Variants in ENTPD4 observed in about 807,000 individuals in gnomAD.
The protein encoded by ENTPD4 is ectonucleoside triphosphate diphosphohydrolase 4.
A neutral mutation model predicts 79.1 loss-of-function variants in ENTPD4; 60 were observed. The ratio of observed to expected loss-of-function variants is 0.76; its 90% CI spans 0.62 to 0.94. ENTPD4 has a LOEUF of 0.94. ENTPD4 is among the 40% of genes least tolerant of loss of function. ENTPD4 has a pLI of 0.00. For synonymous variants in ENTPD4, 276 were observed against 292.0 expected, an observed-to-expected ratio of 0.95 and a Z score of 0.56; for missense variants, 772 against 775.1, an observed-to-expected ratio of 1.00 and a Z score of 0.05.
chr8:23,447,589 G>T, intron 4 of ENTPD4, 91 bp downstream of exon 4: 1 of 1,021,492 alleles, frequency 9.8e-7, no homozygotes, highest in Non-Finnish European at 1.5e-6. Context: ...TTGACTCAGG[G>T]CCATGGTGTA....
At chr8:23,433,218 A>T in intron 12 of ENTPD4, 64 bp from the exon 13 acceptor site, 1 of 1,433,618 alleles carries the variant, frequency 7.0e-7, no homozygotes, top group Non-Finnish European at 9.7e-7. Flanking sequence ...GAAAGGGTGC[A>T]CAGGGGGACG....
rs1800435201 is a variant in ENTPD4, at chr8:23,430,452, A to G, written c.*2474T>C. Reference sequence around the variant, plus strand: ...ATGGAAACTACATTCCTGATTTAAGAGGATGCTTCTGTCTGTATCCTTTTT... The same window carrying G: ...ATGGAAACTACATTCCTGATTTAAGGGGATGCTTCTGTCTGTATCCTTTTT... On this transcript the variant is annotated 3_prime_UTR_variant, in exon 13 of 13. Transcript: ENST00000358689. The G allele has an allele frequency of 1.0e-6, 1 of 985,326 alleles. No individual in the cohort carries two copies. The highest frequency in any genetic ancestry group is 1.7e-5 in the African/African-American group (1 of 57,250). The allele number at this position is 985,326 out of a possible 1,614,324, so 61.0% of individuals were successfully genotyped here.
Position 23,450,211 on chromosome 8 carries a change from C to T in ENTPD4, c.-97-214G>A, listed in dbSNP as rs772615721. Among the ~76,000 whole-genome samples the T allele has an allele frequency of 3.9e-5, 6 of 152,326 alleles. 1 individual carries two copies. The highest frequency in any genetic ancestry group is 1.3e-4 in the Admixed American group (2 of 15,296). On this transcript the variant is annotated intron_variant, in intron 1 of 12. Coordinates refer to ENST00000358689, the MANE Select transcript of ENTPD4 (RefSeq NM_004901.5). The stretch of plus-strand genomic sequence containing the variant: ...CAAAAGAGATGATAATCGTCTGGTA[C>T]TAGTTAGTGCTGTCTAACCTAAAGT...
At chr8:23,441,982 C>A (rs780469979) in intron 7 of ENTPD4, 25 bp downstream of exon 7, 5 of 1,587,788 alleles carry the variant, frequency 3.1e-6, no homozygotes, top group East Asian at 2.2e-5. Flanking sequence ...CAACTAGATA[C>A]ATTTGTTGGA....
chr8:23,441,836 T>C lies in ENTPD4; in HGVS notation c.728-113A>G, dbSNP rs1167624837. 3 of 1,283,586 alleles carry C rather than the reference T, an allele frequency of 2.3e-6. No homozygotes were observed. The African/African-American group carries it at 4.5e-5, about 19-fold the overall frequency. The allele number at this position is 1,283,586 out of a possible 1,614,324, so 79.5% of individuals were successfully genotyped here. ...TTCAAGCATATTCAGGCAAACCCAG[T>C]CTACTCCTCCCAACTAAAATCAAGT... On this transcript the variant is annotated intron_variant, in intron 7 of 12. Coordinates refer to ENST00000358689, the MANE Select transcript of ENTPD4 (RefSeq NM_004901.5).
Position 23,444,470 on chromosome 8 carries a change from T to A in ENTPD4, c.549A>T (p.Arg183Ser), listed in dbSNP as rs772907926. The A allele has an allele frequency of 6.2e-7, 1 of 1,613,928 alleles. No individual in the cohort carries two copies. Among genetic ancestry groups the A allele is most frequent in the Non-Finnish European group, 8.5e-7 (1 of 1,179,878 alleles). The change falls in exon 5 of 13, where the codon AGA becomes AGT. Residue 183 changes from arginine to serine, a missense_variant. Coordinates refer to ENST00000358689, the MANE Select transcript of ENTPD4 (RefSeq NM_004901.5). ...TGGAGGATCACCTTTCGGGGAGGAT[T>A]CTCATTCCAGCCGTGCAGAGAATGT... ...PLYILCTAGM[R>S]ILPESQQKAI...
chr8:23,453,604 T>C (rs908760367), intron 1 of ENTPD4, among the ~76,000 whole-genome samples: 8 of 152,182 alleles, frequency 5.3e-5, no homozygotes, highest in African/African-American at 1.7e-4. Context: ...AAAACAGCTA[T>C]CATATTGACA....
rs1800450061 is a variant in ENTPD4 at position 23,431,335 on chromosome 8, A to C, written c.*1591T>G. 1 of 985,212 alleles carries C rather than the reference A, an allele frequency of 1.0e-6. No homozygotes were observed. Among genetic ancestry groups the C allele is most frequent in the Non-Finnish European group, 1.2e-6 (1 of 829,838 alleles). The allele number at this position is 985,212 out of a possible 1,614,324, so 61.0% of individuals were successfully genotyped here. A position where few individuals can be genotyped will look rare whatever the true frequency, so the allele number is the denominator to read the frequency against. ...TGGGTACTAATCTGCTACCAACTAC[A>C]GGAATTTAACTGTTCTGGAGTTAGG... On this transcript the variant is annotated 3_prime_UTR_variant, in exon 13 of 13. Transcript: ENST00000358689.
chr8:23,434,871 T>C lies in ENTPD4; in HGVS notation c.1461-393A>G, dbSNP rs78982137. The C allele has an allele frequency of 4.9e-3, 1,351 of 276,132 alleles. 16 individuals are homozygous for C. The highest frequency in any genetic ancestry group is 0.026 in the African/African-American group (1,178 of 45,192). 17.1% of individuals were successfully genotyped at this position (276,132 alleles called of 1,614,324 possible). A position where few individuals can be genotyped will look rare whatever the true frequency, so the allele number is the denominator to read the frequency against. On this transcript the variant is annotated intron_variant, in intron 11 of 12. Transcript: ENST00000358689. ...GGTTCTCTTCAGCTCTGATATTCTA[T>C]GACTCTAAATATTTATTAGAGGTTT...
At chr8:23,444,673 A>T in intron 4 of ENTPD4, 67 bp from the exon 5 acceptor site, 1 of 1,440,320 alleles carries the variant, frequency 6.9e-7, no homozygotes, top group Non-Finnish European at 9.7e-7. Context: ...GTTTCTTCAG[A>T]GTGGCTAATT....
At position 23,454,013 on chromosome 8, in the gene ENTPD4, T is replaced by C. The variant is rs181354137; in HGVS notation, c.-98+3544A>G. The stretch of plus-strand genomic sequence containing the variant: ...TGTCCCCATGCATGGGGGGATAAAA[T>C]GTTAGGAAAGAAACCAAAATATTAA... On this transcript the variant is annotated intron_variant, in intron 1 of 12. Coordinates refer to ENST00000358689, the MANE Select transcript of ENTPD4 (RefSeq NM_004901.5). 9.2e-5 allele frequency among the ~76,000 whole-genome samples: 14 copies of C among 152,260 alleles called. No individual in the cohort carries two copies. The East Asian group carries it at 2.7e-3, about 29-fold the overall frequency.
chr8:23,439,969 C>A (rs1249245632), intron 8 of ENTPD4, 54 bp from the exon 9 acceptor site: 1 of 1,509,046 alleles, frequency 6.6e-7, no homozygotes, highest in East Asian at 2.3e-5. Context: ...TAGCCTCCTA[C>A]TAAAAAGAAA....
Position 23,441,342 on chromosome 8 carries a change from G to C in ENTPD4, c.882+227C>G, listed in dbSNP as rs1035575223. 1.1e-5 allele frequency: 10 copies of C among 897,810 alleles called. 1 individual carries two copies. In the Admixed American group the frequency reaches 6.2e-4, roughly 56 times the overall value. 55.6% of individuals were successfully genotyped at this position (897,810 alleles called of 1,614,324 possible). A position where few individuals can be genotyped will look rare whatever the true frequency, so the allele number is the denominator to read the frequency against. On this transcript the variant is annotated intron_variant, in intron 8 of 12. Transcript: ENST00000358689. Reference sequence around the variant, plus strand: ...AGCATGCGACTGCGTATATACCAAAGAAAAACTCTACGTTCAGAAAACAAA... The same window carrying C: ...AGCATGCGACTGCGTATATACCAAACAAAAACTCTACGTTCAGAAAACAAA...
Position 23,432,806 on chromosome 8 carries a change from GTTT to G in ENTPD4, c.*117_*119del, listed in dbSNP as rs1800479604. 6.9e-7 allele frequency: 1 copy of G among 1,443,996 alleles called. No homozygotes were observed. The allele number at this position is 1,443,996 out of a possible 1,614,324, so 89.4% of individuals were successfully genotyped here. A position where few individuals can be genotyped will look rare whatever the true frequency, so the allele number is the denominator to read the frequency against. On this transcript the variant is annotated 3_prime_UTR_variant, in exon 13 of 13. Coordinates refer to ENST00000358689, the MANE Select transcript of ENTPD4 (RefSeq NM_004901.5). The stretch of plus-strand genomic sequence containing the variant: ...AGCCACCGCGCTCGGCCTGCATTTT[GTTT>G]TTGTTTGGAGGAACAAAAAAGGGAA...
At chr8:23,436,066 G>T (rs1332229054) in intron 10 of ENTPD4, among the ~76,000 whole-genome samples, 10 of 152,212 alleles carry the variant, frequency 6.6e-5, no homozygotes, top group Admixed American at 6.5e-4. Context: ...GCCTGGGTGT[G>T]TGACAGGGAG....
chr8:23,444,148 T>G (rs968858364), intron 5 of ENTPD4, among the ~76,000 whole-genome samples, 195 bp from the exon 6 acceptor site: 3 of 152,062 alleles, frequency 2.0e-5, no homozygotes, highest in Non-Finnish European at 4.4e-5. Flanking sequence ...GAACAAGTTG[T>G]GTGAATTATG....
At chr8:23,443,734 CTAT>C in intron 6 of ENTPD4, 113 bp downstream of exon 6, 1 of 586,570 alleles carries the variant, frequency 1.7e-6, no homozygotes, top group East Asian at 2.9e-5. Flanking sequence ...TATTTCAAGG[CTAT>C]TATTTCCCAA....
At position 23,441,701 on chromosome 8, in the gene ENTPD4, A is replaced by G. The variant is rs1352335559; in HGVS notation, c.750T>C (p.Val250=). The change falls in exon 8 of 13, where the codon GTT becomes GTC. Residue 250 remains valine (V), a synonymous_variant. Transcript: ENST00000358689. ...CGCTGCTTTCACTTCCAGGAATGTT[A>G]ACTTCCACAACGGCCTCATCATCTA... ...IEDDDEAVVE[V]NIPGSESSEA... is the part of the protein sequence containing the mutation. 4 of 1,613,974 alleles carry G rather than the reference A, an allele frequency of 2.5e-6. No homozygotes were observed. The African/African-American group carries it at 5.3e-5, about 22-fold the overall frequency.
At position 23,430,797 on chromosome 8, in the gene ENTPD4, G is replaced by C. The variant is rs1800440618; in HGVS notation, c.*2129C>G. Reference sequence around the variant, plus strand: ...CCTTCCTTTCCTTTCTTCCCTCTCTGCTGCTGACACCAGTGGCTCCATCGC... The same window carrying C: ...CCTTCCTTTCCTTTCTTCCCTCTCTCCTGCTGACACCAGTGGCTCCATCGC... On this transcript the variant is annotated 3_prime_UTR_variant, in exon 13 of 13. Transcript: ENST00000358689. 1.0e-6 allele frequency: 1 copy of C among 985,588 alleles called. No homozygotes were observed. Among genetic ancestry groups the C allele is most frequent in the Non-Finnish European group, 1.2e-6 (1 of 830,122 alleles). The allele number at this position is 985,588 out of a possible 1,614,324, so 61.1% of individuals were successfully genotyped here.
Sources: allele counts gnomAD v4.1 joint callset (sites outside exome capture counted in the v4.1 genomes callset), GRCh38; gene constraint gnomAD v4.1.1; transcripts MANE v1.5; gene names NCBI Gene and HGNC (gene_info 2026-07-23, HGNC 2026-07-21).